ZC3H11A: variants seen among roughly 807,000 people sequenced by gnomAD.
The protein encoded by ZC3H11A is zinc finger CCCH domain-containing protein 11A.
A neutral mutation model predicts 90.8 loss-of-function variants in ZC3H11A; 22 were observed. The observed-to-expected ratio is 0.24, with a 90% CI of 0.17 to 0.35. The LOEUF (loss-of-function observed/expected upper bound fraction) is 0.35, where lower values mean the gene tolerates loss of function less well. ZC3H11A is among the 10% of genes least tolerant of loss of function. The pLI is 1.00. For missense variants in ZC3H11A, 701 were observed against 964.9 expected, an observed-to-expected ratio of 0.73 and a Z score of 3.62; for synonymous variants, 294 against 339.8, an observed-to-expected ratio of 0.87 and a Z score of 1.48.
chr1:203,838,192 C>T, intron 11 of ZC3H11A, 128 bp downstream of exon 11: 1 of 888,002 alleles, frequency 1.1e-6, no homozygotes, highest in African/African-American at 1.7e-5. Flanking sequence ...TTATATTATT[C>T]ACTCAACAAA....
rs768828298 is a variant in ZC3H11A at position 203,797,891 on chromosome 1, C to T, written c.-1588+2097C>T. ...TTGAGAGCAATATAGAAAAACAGAT[C>T]TATCTACCTAGTACTAGAGCCAAGA... On this transcript the variant is annotated intron_variant, in intron 1 of 17. Transcript: ENST00000367210. The T allele has an allele frequency of 5.3e-5, 82 of 1,535,972 alleles. No homozygotes were observed. In the South Asian group the frequency reaches 9.3e-4, roughly 17 times the overall value.
At chr1:203,827,669 A>G (rs1399982832) in intron 4 of ZC3H11A, among the ~76,000 whole-genome samples, 3 of 151,370 alleles carry the variant, frequency 2.0e-5, no homozygotes, top group African/African-American at 7.3e-5. Context: ...GTGACAGAGC[A>G]AGACTCTGTC....
chr1:203,853,288 T>C lies in ZC3H11A; in HGVS notation c.*889T>C, dbSNP rs1689635893. 1 of 152,680 alleles carries C rather than the reference T, an allele frequency of 6.5e-6. No homozygotes were observed. Among genetic ancestry groups the C allele is most frequent in the African/African-American group, 2.4e-5 (1 of 41,464 alleles). The allele number at this position is 152,680 out of a possible 1,614,324, so 9.5% of individuals were successfully genotyped here. On this transcript the variant is annotated 3_prime_UTR_variant, in exon 18 of 18. Coordinates refer to ENST00000367210, the MANE Select transcript of ZC3H11A (RefSeq NM_001376342.1). Reference sequence around the variant, plus strand: ...ACAAACCCCTGTTGCCCAGTATTTGTTTGGTGGCCTTTAACCACCTGAGGG... The same window carrying C: ...ACAAACCCCTGTTGCCCAGTATTTGCTTGGTGGCCTTTAACCACCTGAGGG...
intron 1 of ZC3H11A, chr1:203,797,833 C>T (rs1284389866): frequency 1.3e-6 from 2 of 1,536,062 alleles, no homozygotes; most frequent in East Asian, 4.9e-5. Context: ...TTGTTAGCTT[C>T]CAATGACCCT....
intron 4 of ZC3H11A, 137 bp from the exon 5 acceptor site, chr1:203,828,162 C>G: frequency 4.2e-6 from 4 of 948,402 alleles, no homozygotes; most frequent in Non-Finnish European, 4.8e-6. Context: ...AGCAATCTCT[C>G]TTCCTTCTAA....
intron 12 of ZC3H11A, among the ~76,000 whole-genome samples, chr1:203,843,923 T>C (rs2103329817): frequency 6.6e-6 from 1 of 152,288 alleles, no homozygotes; most frequent in African/African-American, 2.4e-5. Flanking sequence ...AATGGTGCGA[T>C]CTCGGCTCAC....
Position 203,829,898 on chromosome 1 carries a change from T to TA in ZC3H11A, c.619+4dup, listed in dbSNP as rs1261459678. ...AACCTGCAGTCAATATAAAGCAAGG[T>TA]AAGAAGAGGCTAGATTGGTGCCTCT... On this transcript the variant is annotated splice_region_variant and intron_variant, in intron 7 of 17. Transcript: ENST00000367210. The TA allele has an allele frequency of 1.9e-6, 3 of 1,612,974 alleles. No homozygotes were observed. The African/African-American group carries it at 4.0e-5, about 22-fold the overall frequency.
intron 2 of ZC3H11A, 86 bp from the exon 3 acceptor site, chr1:203,816,840 C>A: frequency 2.3e-6 from 1 of 443,636 alleles, no homozygotes. Context: ...AAATTTGACT[C>A]TAGCAATACG....
At chr1:203,812,078 A>G (rs1674668200) in intron 2 of ZC3H11A, among the ~76,000 whole-genome samples, 1 of 152,118 alleles carries the variant, frequency 6.6e-6, no homozygotes. Flanking sequence ...CGGCCTCCCA[A>G]AGTGCTGGGA....
chr1:203,806,129 C>A, intron 2 of ZC3H11A: 1 of 502,892 alleles, frequency 2.0e-6, no homozygotes. Context: ...TTGATCTGGT[C>A]CTTATACTTC....
Position 203,851,060 on chromosome 1 carries a change from G to C in ZC3H11A, c.2110G>C (p.Val704Leu). 2.5e-6 allele frequency: 4 copies of C among 1,614,138 alleles called. No individual in the cohort carries two copies. The highest frequency in any genetic ancestry group is 3.4e-6 in the Non-Finnish European group (4 of 1,180,028). Residue 704 changes from valine (V) to leucine (L), a missense_variant, in exon 17 of 18, where the codon GTT becomes CTT. Val to Leu is a conservative substitution (Grantham distance 32). Transcript: ENST00000367210. ...EPPAKKAAVAVVPLVSEDKSV... is the reference protein window; with the variant it reads ...EPPAKKAAVALVPLVSEDKSV... ...TACCTGACTCTTCCTTTTGTAGGCT[G>C]TTGTCCCGCTTGTCTCTGAGGACAA...
intron 1 of ZC3H11A, chr1:203,797,944 T>C: frequency 6.5e-7 from 1 of 1,536,084 alleles, no homozygotes; most frequent in Non-Finnish European, 8.7e-7. Flanking sequence ...TTCTTTCATG[T>C]TGACCCCCAG....
chr1:203,800,377 A>G, intron 1 of ZC3H11A: 1 of 988,300 alleles, frequency 1.0e-6, no homozygotes, highest in Non-Finnish European at 1.5e-6. Context: ...AAAAATGTTA[A>G]CTACGATTAT....
chr1:203,850,982 G>A (rs577759443), intron 16 of ZC3H11A, 75 bp from the exon 17 acceptor site: 11 of 1,507,632 alleles, frequency 7.3e-6, no homozygotes, highest in South Asian at 3.5e-5. Context: ...TTCTAAGAAG[G>A]CAGCAAAAGA....
chr1:203,797,416 T>A, intron 1 of ZC3H11A: 1 of 1,134,262 alleles, frequency 8.8e-7, no homozygotes, highest in Non-Finnish European at 1.2e-6. Context: ...TGATTCCCCA[T>A]AGAAACTGGA....
At chr1:203,830,875 T>A (rs1682033445) in intron 8 of ZC3H11A, among the ~76,000 whole-genome samples, 1 of 151,664 alleles carries the variant, frequency 6.6e-6, no homozygotes, top group South Asian at 2.1e-4. Flanking sequence ...CTGCTAGGAT[T>A]TTCTTCTGGA....
In ZC3H11A at chr1:203,850,691, A is replaced by T. The variant is rs1007862972; in HGVS notation, c.2106+10A>T. The stretch of plus-strand genomic sequence containing the variant: ...CAAAAAGGCAGCTGTGGTAAGAAGT[A>T]TATTCACTTTGTGGTGCTTTATTCT... On this transcript the variant is annotated intron_variant, in intron 16 of 17. Coordinates refer to ENST00000367210, the MANE Select transcript of ZC3H11A (RefSeq NM_001376342.1). The T allele has an allele frequency of 1.2e-6, 2 of 1,612,486 alleles. No homozygotes were observed. Among genetic ancestry groups the T allele is most frequent in the African/African-American group, 2.7e-5 (2 of 75,012 alleles).
chr1:203,851,025 C>CT, intron 16 of ZC3H11A, 32 bp from the exon 17 acceptor site: 1 of 1,610,486 alleles, frequency 6.2e-7, no homozygotes. Context: ...AAGCCTGACT[C>CT]TCACTGAATT....
At chr1:203,810,946 T>C (rs12024720) in intron 2 of ZC3H11A, among the ~76,000 whole-genome samples, 8,756 of 148,494 alleles carry the variant, frequency 0.059, 768 homozygotes, top group East Asian at 0.41. Flanking sequence ...GCCTGGCCAC[T>C]ATGGTGAAAC....
Sources: gnomAD v4.1 joint callset for allele counts (sites outside exome capture counted in the v4.1 genomes callset) on GRCh38, gnomAD v4.1.1 for gene constraint, MANE v1.5 for transcripts, NCBI Gene and HGNC (gene_info 2026-07-23, HGNC 2026-07-21) for gene names.